CSMD1: variants seen among roughly 807,000 people sequenced by gnomAD.
CSMD1 encodes CUB and sushi domain-containing protein 1.
CSMD1 carries 213 observed loss-of-function variants against 417.5 expected under a neutral mutation model. That is an observed-to-expected ratio of 0.51 (90% CI 0.46 to 0.57). The LOEUF (loss-of-function observed/expected upper bound fraction) is 0.57. Among genes scored for constraint, CSMD1 ranks in the 20% least tolerant of loss-of-function variants. The pLI is 0.00. For missense variants in CSMD1, 6,923 were observed against 4,529.7 expected (o/e 1.53, Z -15.17); for synonymous variants, 2,862 against 1,736.8 (o/e 1.65, Z -16.11).
At chr8:4,865,825 A>G (rs917077632) in intron 1 of CSMD1, among the ~76,000 whole-genome samples, 1 of 151,896 alleles carries the variant, frequency 6.6e-6, no homozygotes, top group East Asian at 1.9e-4. Flanking sequence ...TTTAAAAATT[A>G]ATCTTCTTTC....
At chr8:4,560,084 C>T (rs554367636) in intron 2 of CSMD1, among the ~76,000 whole-genome samples, 11 of 152,354 alleles carry the variant, frequency 7.2e-5, no homozygotes, top group African/African-American at 2.4e-4. Context: ...ACAGAGGCCT[C>T]GTGCTTGGGC....
At chr8:3,607,729 A>T (rs1313610191) in intron 8 of CSMD1, among the ~76,000 whole-genome samples, 1 of 152,234 alleles carries the variant, frequency 6.6e-6, no homozygotes, top group African/African-American at 2.4e-5. Context: ...ATTCCATATC[A>T]GTCGGTTTTG....
chr8:3,092,713 G>T (rs1046863974), intron 47 of CSMD1, among the ~76,000 whole-genome samples: 1 of 152,178 alleles, frequency 6.6e-6, no homozygotes, highest in Non-Finnish European at 1.5e-5. Context: ...GAGTCACCCG[G>T]CATTGCCCTC....
intron 5 of CSMD1, among the ~76,000 whole-genome samples, chr8:3,968,924 C>G (rs905036259): frequency 6.6e-6 from 1 of 152,116 alleles, no homozygotes; most frequent in Non-Finnish European, 1.5e-5. Flanking sequence ...TCAAAGTTTT[C>G]AAGGCATTGA....
intron 3 of CSMD1, among the ~76,000 whole-genome samples, chr8:4,067,180 G>C (rs1370808662): frequency 2.0e-5 from 3 of 152,186 alleles, no homozygotes; most frequent in Non-Finnish European, 4.4e-5. Context: ...TGGGTGAAAG[G>C]CTATCCTCCG....
intron 1 of CSMD1, among the ~76,000 whole-genome samples, chr8:4,646,138 A>T (rs1446145671): frequency 6.6e-6 from 1 of 152,238 alleles, no homozygotes; most frequent in East Asian, 1.9e-4. Context: ...GTTATTCTGA[A>T]GTCAATGCTA....
intron 3 of CSMD1, among the ~76,000 whole-genome samples, chr8:4,209,373 C>T (rs996114411): frequency 2.6e-5 from 4 of 152,108 alleles, no homozygotes; most frequent in African/African-American, 4.8e-5. Flanking sequence ...CATAGATTCC[C>T]ATCCTTCTGA....
At chr8:3,601,646 C>G (rs1246982061) in intron 8 of CSMD1, among the ~76,000 whole-genome samples, 3 of 152,162 alleles carry the variant, frequency 2.0e-5, no homozygotes, top group African/African-American at 7.2e-5. Context: ...CGTCAACAAA[C>G]TTTAAGGCTA....
At chr8:3,805,785 G>C (rs1800700705) in intron 5 of CSMD1, among the ~76,000 whole-genome samples, 1 of 152,012 alleles carries the variant, frequency 6.6e-6, no homozygotes, top group Non-Finnish European at 1.5e-5. Flanking sequence ...GTCTTTGTGA[G>C]TCATCTCATT....
intron 5 of CSMD1, among the ~76,000 whole-genome samples, chr8:3,941,358 T>C (rs1232349487): frequency 6.6e-6 from 1 of 152,148 alleles, no homozygotes; most frequent in Non-Finnish European, 1.5e-5. Flanking sequence ...GTATAATGAA[T>C]GCTGATAATA....
chr8:3,036,759 C>G (rs1167294967), intron 50 of CSMD1, among the ~76,000 whole-genome samples: 4 of 152,130 alleles, frequency 2.6e-5, no homozygotes, highest in Non-Finnish European at 5.9e-5. Flanking sequence ...CAACAATCCT[C>G]TCTTAAAAAA....
intron 2 of CSMD1, among the ~76,000 whole-genome samples, chr8:4,577,672 T>A (rs1260386345): frequency 3.3e-5 from 5 of 152,216 alleles, no homozygotes; most frequent in Admixed American, 6.5e-5. Context: ...TTCCCCTGAA[T>A]GCTAAGAGAG....
chr8:4,449,735 G>C (rs1241693218), intron 2 of CSMD1, among the ~76,000 whole-genome samples: 1 of 152,142 alleles, frequency 6.6e-6, no homozygotes, highest in Non-Finnish European at 1.5e-5. Flanking sequence ...ATAGGGTCGG[G>C]TGTAGAAAGA....
At chr8:4,446,304 T>A (rs554831580) in intron 2 of CSMD1, among the ~76,000 whole-genome samples, 6 of 152,274 alleles carry the variant, frequency 3.9e-5, no homozygotes, top group African/African-American at 1.4e-4. Flanking sequence ...TCCTGCTTCT[T>A]TGGGAGCCCA....
intron 29 of CSMD1, among the ~76,000 whole-genome samples, chr8:3,215,678 G>A (rs972476168): frequency 2.6e-5 from 4 of 152,070 alleles, no homozygotes; most frequent in African/African-American, 9.7e-5. Flanking sequence ...TCTTCTGGTA[G>A]CCTTAATATT....
At chr8:3,439,783 T>A (rs190851279) in intron 12 of CSMD1, among the ~76,000 whole-genome samples, 49 of 152,326 alleles carry the variant, frequency 3.2e-4, no homozygotes, top group African/African-American at 9.6e-4. Context: ...AACTTTTATA[T>A]GTTTACATTT....
At chr8:3,270,046 C>CTTTTTTTTTTTTTTTTT (rs200994813) in intron 26 of CSMD1, among the ~76,000 whole-genome samples, 2 of 118,384 alleles carry the variant, frequency 1.7e-5, no homozygotes, top group African/African-American at 3.1e-5. Flanking sequence ...CTAACCTCTT[C>CTTTTTTTTTTTTTTTTT]TTTTTTTTTT....
At chr8:3,799,617 C>T (rs565191072) in intron 5 of CSMD1, among the ~76,000 whole-genome samples, 24 of 151,862 alleles carry the variant, frequency 1.6e-4, no homozygotes, top group African/African-American at 5.1e-4. Flanking sequence ...AAGAAAGACC[C>T]CATTTGGCTT....
chr8:3,201,835 G>A, intron 31 of CSMD1, 110 bp from the exon 32 acceptor site: 1 of 377,810 alleles, frequency 2.6e-6, no homozygotes, highest in East Asian at 3.6e-5. Context: ...ATTATCCTAA[G>A]AATTTGGTAA....
Sources: gnomAD v4.1 joint callset for allele counts (sites outside exome capture counted in the v4.1 genomes callset) on GRCh38, gnomAD v4.1.1 for gene constraint, MANE v1.5 for transcripts, NCBI Gene and HGNC (gene_info 2026-07-23, HGNC 2026-07-21) for gene names.